The following ADAM17 variants were observed in gnomAD, a reference collection of about 807,000 sequenced individuals.
ADAM17 encodes ADAM metallopeptidase domain 17.
ADAM17 carries 39 observed loss-of-function variants against 96.7 expected under a neutral mutation model. That is an observed-to-expected ratio of 0.40 (90% CI 0.31 to 0.53). The LOEUF is 0.53. Ranked by LOEUF, ADAM17 falls within the 20% of genes least tolerant of loss-of-function variation. The pLI, the probability that ADAM17 is intolerant of heterozygous loss-of-function variation, is 0.44. For synonymous variants in ADAM17, 344 were observed against 359.2 expected (o/e 0.96, Z 0.48); for missense variants, 777 against 1,013.2 (o/e 0.77, Z 3.17).
chr2:9,521,188 G>T lies in ADAM17; in HGVS notation c.957+15C>A. On this transcript the variant is annotated intron_variant, in intron 8 of 18. Transcript: ENST00000310823. ...AAAGTGGTGTTAGCACCATATCCAGGATTCTAAGACCTACCTCTAGCAACA... is the reference window on the plus strand; with the variant it reads ...AAAGTGGTGTTAGCACCATATCCAGTATTCTAAGACCTACCTCTAGCAACA... 1 of 1,543,924 alleles carries T rather than the reference G, an allele frequency of 6.5e-7. No homozygotes were observed. The highest frequency in any genetic ancestry group is 1.1e-5 in the South Asian group (1 of 89,552).
chr2:9,548,334 C>A (rs541481344), intron 1 of ADAM17, among the ~76,000 whole-genome samples: 135 of 151,896 alleles, frequency 8.9e-4, no homozygotes, highest in Non-Finnish European at 1.6e-3. Flanking sequence ...TCCATCCCCC[C>A]CAAAAAAGAA....
chr2:9,526,878 T>G (rs1664553070), intron 5 of ADAM17, among the ~76,000 whole-genome samples: 3 of 152,232 alleles, frequency 2.0e-5, no homozygotes. Flanking sequence ...AGTCATATTC[T>G]ACAACAAGAA....
chr2:9,496,088 A>G (rs1432124691), intron 14 of ADAM17, among the ~76,000 whole-genome samples: 1 of 151,882 alleles, frequency 6.6e-6, no homozygotes, highest in African/African-American at 2.4e-5. Flanking sequence ...GATTTTATTT[A>G]ACTACCGGGT....
At chr2:9,524,654 C>T (rs542928813) in intron 6 of ADAM17, among the ~76,000 whole-genome samples, 6 of 152,102 alleles carry the variant, frequency 3.9e-5, no homozygotes, top group South Asian at 2.1e-4. Context: ...AGTAAGGGGC[C>T]GTGGCAGACA....
intron 4 of ADAM17, among the ~76,000 whole-genome samples, chr2:9,533,702 G>T (rs1664842837): frequency 6.6e-6 from 1 of 152,160 alleles, no homozygotes; most frequent in Non-Finnish European, 1.5e-5. Context: ...GAGATAAAGT[G>T]TTCTAGAATG....
intron 8 of ADAM17, among the ~76,000 whole-genome samples, chr2:9,520,973 A>AAAAAAAAAAAC (rs1664283708): frequency 6.8e-6 from 1 of 146,184 alleles, no homozygotes; most frequent in Non-Finnish European, 1.5e-5. Flanking sequence ...TCAAAAAAAA[A>AAAAAAAAAAAC]AAAAAAAAAA....
At chr2:9,504,420 G>A (rs1462675323) in intron 12 of ADAM17, among the ~76,000 whole-genome samples, 1 of 151,540 alleles carries the variant, frequency 6.6e-6, no homozygotes, top group Non-Finnish European at 1.5e-5. Context: ...ACTCCAGCCT[G>A]GCAACAGAGC....
chr2:9,523,585 T>C (rs1339938310), intron 6 of ADAM17, among the ~76,000 whole-genome samples: 1 of 152,240 alleles, frequency 6.6e-6, no homozygotes, highest in Non-Finnish European at 1.5e-5. Context: ...GGTACTCAAT[T>C]GCACATGGAA....
intron 1 of ADAM17, among the ~76,000 whole-genome samples, chr2:9,550,982 C>T (rs983001037): frequency 4.0e-5 from 6 of 149,656 alleles, no homozygotes; most frequent in East Asian, 2.0e-4. Flanking sequence ...GGCTGAGGCA[C>T]GAGAATCACT....
chr2:9,509,484 A>G (rs548939915), intron 11 of ADAM17, among the ~76,000 whole-genome samples: 5 of 152,306 alleles, frequency 3.3e-5, no homozygotes, highest in African/African-American at 1.2e-4. Context: ...TAGGCACTGG[A>G]GATAGAGCTA....
At chr2:9,514,270 C>T (rs1663908597) in intron 10 of ADAM17, among the ~76,000 whole-genome samples, 2 of 143,932 alleles carry the variant, frequency 1.4e-5, no homozygotes, top group Admixed American at 7.4e-5. Flanking sequence ...AAAAGCCAAA[C>T]ACCGCATGTT....
At chr2:9,535,968 TAAG>T in intron 3 of ADAM17, 46 bp from the exon 4 acceptor site, 1 of 1,286,498 alleles carries the variant, frequency 7.8e-7, no homozygotes, top group Non-Finnish European at 1.1e-6. Flanking sequence ...TTACATCAAA[TAAG>T]AAACTATGCA....
intron 17 of ADAM17, 129 bp downstream of exon 17, chr2:9,492,768 CA>C: frequency 1.0e-5 from 7 of 678,054 alleles, no homozygotes; most frequent in East Asian, 6.2e-5. Context: ...GGAATAACAA[CA>C]AAAAAAGCTA....
intron 14 of ADAM17, 107 bp downstream of exon 14, chr2:9,497,007 G>C (rs1382211197): frequency 1.3e-6 from 2 of 1,511,854 alleles, no homozygotes; most frequent in African/African-American, 1.4e-5. Context: ...CCTCGGCTTG[G>C]ATCTCACCAC....
chr2:9,512,785 A>G lies in ADAM17; in HGVS notation c.1192-2654T>C, dbSNP rs569531883. Among the ~76,000 whole-genome samples, 3 of 152,298 alleles carry G rather than the reference A, an allele frequency of 2.0e-5. No individual in the cohort carries two copies. The East Asian group carries it at 5.8e-4, about 29-fold the overall frequency. ...TTCTACACAGTTGTCATTCGTGCTT[A>G]TGTAATGAAGCCTCCATAAAATCTC... is the stretch of plus-strand genomic sequence containing the variant. On this transcript the variant is annotated intron_variant, in intron 10 of 18. Coordinates refer to ENST00000310823, the MANE Select transcript of ADAM17 (RefSeq NM_003183.6).
chr2:9,543,119 G>T (rs750061308), intron 2 of ADAM17, 34 bp downstream of exon 2: 6 of 1,531,100 alleles, frequency 3.9e-6, no homozygotes, highest in Admixed American at 2.2e-5. Flanking sequence ...AGCCCCCAGT[G>T]CCCCAACATT....
intron 14 of ADAM17, among the ~76,000 whole-genome samples, chr2:9,495,921 A>T (rs1339532291): frequency 2.7e-5 from 4 of 149,758 alleles, no homozygotes; most frequent in Admixed American, 1.3e-4. Context: ...GGTCTCAAAC[A>T]ACTCCTGAGC....
chr2:9,521,426 AT>A, intron 7 of ADAM17, 110 bp from the exon 8 acceptor site: 1 of 736,542 alleles, frequency 1.4e-6, no homozygotes, highest in Non-Finnish European at 2.1e-6. Context: ...GAAAAAAAAC[AT>A]TTTAAAACCA....
At chr2:9,555,374 C>T in intron 1 of ADAM17, 135 bp downstream of exon 1, 1 of 694,316 alleles carries the variant, frequency 1.4e-6, no homozygotes, top group Non-Finnish European at 2.3e-6. Context: ...ACACCCCCTT[C>T]TACACTGAAA....
Sources: allele counts gnomAD v4.1 joint callset (sites outside exome capture counted in the v4.1 genomes callset), GRCh38; gene constraint gnomAD v4.1.1; transcripts MANE v1.5; gene names NCBI Gene and HGNC (gene_info 2026-07-23, HGNC 2026-07-21).